Variants in PDZRN3 observed in about 807,000 individuals in gnomAD.
The protein encoded by PDZRN3 is E3 ubiquitin-protein ligase PDZRN3.
Under a neutral mutation model 85.7 loss-of-function variants are expected in PDZRN3, and 38 were observed. The ratio of observed to expected loss-of-function variants is 0.44; its 90% CI spans 0.34 to 0.58. PDZRN3 has a LOEUF of 0.58. Ranked by LOEUF, PDZRN3 falls within the 20% of genes least tolerant of loss-of-function variation. The pLI is 0.01. For synonymous variants in PDZRN3, 759 were observed against 638.0 expected (o/e 1.19, Z -2.86); for missense variants, 1,629 against 1,506.4 (o/e 1.08, Z -1.35).
intron 3 of PDZRN3, among the ~76,000 whole-genome samples, chr3:73,411,171 G>A (rs1397242263): frequency 1.3e-5 from 2 of 152,108 alleles, no homozygotes; most frequent in Admixed American, 6.5e-5. Flanking sequence ...CTGCTTTGTC[G>A]AGAATGAAAA....
At position 73,624,444 on chromosome 3, in the gene PDZRN3, C is replaced by T. The variant is rs1702933482; in HGVS notation, c.382G>A (p.Ala128Thr). The change falls in exon 1 of 10, where the codon GCG (alanine) becomes ACG (threonine). Residue 128 changes from alanine (A) to threonine (T), a missense_variant. Ala to Thr is a moderately conservative substitution (Grantham distance 58). Transcript: ENST00000263666. Reference protein sequence around the residue: ...GQVLLRRDVEAHMRDACDARP... With the variant: ...GQVLLRRDVETHMRDACDARP... Reference sequence around the variant, plus strand: ...GCGTCGCAGGCGTCGCGCATGTGCGCCTCCACGTCGCGCCGCAGCAGCACC... The same window carrying T: ...GCGTCGCAGGCGTCGCGCATGTGCGTCTCCACGTCGCGCCGCAGCAGCACC... 2.2e-6 allele frequency: 3 copies of T among 1,344,420 alleles called. No homozygotes were observed. The highest frequency in any genetic ancestry group is 8.2e-5 in the Admixed American group (2 of 24,492). 83.3% of individuals were successfully genotyped at this position (1,344,420 alleles called of 1,614,324 possible). A position where few individuals can be genotyped will look rare whatever the true frequency, so the allele number is the denominator to read the frequency against.
chr3:73,405,709 G>A (rs1701840738), intron 3 of PDZRN3, among the ~76,000 whole-genome samples: 1 of 152,144 alleles, frequency 6.6e-6, no homozygotes, highest in African/African-American at 2.4e-5. Context: ...TTTTTAGCAT[G>A]TATTTATAAA....
intron 3 of PDZRN3, among the ~76,000 whole-genome samples, chr3:73,500,592 T>C (rs1703958061): frequency 6.6e-6 from 1 of 152,178 alleles, no homozygotes; most frequent in African/African-American, 2.4e-5. Flanking sequence ...AACATGCTCT[T>C]TTCCTCCCAA....
At chr3:73,467,920 G>T (rs1423583166) in intron 3 of PDZRN3, among the ~76,000 whole-genome samples, 1 of 152,126 alleles carries the variant, frequency 6.6e-6, no homozygotes, top group Non-Finnish European at 1.5e-5. Flanking sequence ...ACAGGAAGTC[G>T]AATGGAGGCT....
intron 1 of PDZRN3, among the ~76,000 whole-genome samples, chr3:73,618,483 C>A (rs1424758897): frequency 6.6e-6 from 1 of 152,024 alleles, no homozygotes. Context: ...ATCTGCTACT[C>A]CCATTAAAAA....
intron 3 of PDZRN3, among the ~76,000 whole-genome samples, chr3:73,413,207 C>T (rs910334617): frequency 2.6e-5 from 4 of 152,132 alleles, no homozygotes; most frequent in Non-Finnish European, 5.9e-5. Context: ...CTTAGAAGAG[C>T]GCCTGGCTCA....
At chr3:73,406,286 C>T (rs1701853260) in intron 3 of PDZRN3, among the ~76,000 whole-genome samples, 1 of 152,118 alleles carries the variant, frequency 6.6e-6, no homozygotes, top group Admixed American at 6.5e-5. Flanking sequence ...GCTTTCTATC[C>T]CAAGTGACCT....
chr3:73,555,669 A>G (rs1701677334), intron 3 of PDZRN3, among the ~76,000 whole-genome samples: 1 of 152,182 alleles, frequency 6.6e-6, no homozygotes, highest in African/African-American at 2.4e-5. Context: ...GACAGAAAAT[A>G]TACCCAGTGA....
chr3:73,559,977 G>A (rs1701782154), intron 3 of PDZRN3, among the ~76,000 whole-genome samples: 1 of 152,176 alleles, frequency 6.6e-6, no homozygotes, highest in Non-Finnish European at 1.5e-5. Flanking sequence ...AAGGGCGGGA[G>A]CAGCTCTGCC....
At chr3:73,588,284 T>G (rs896851806) in intron 3 of PDZRN3, among the ~76,000 whole-genome samples, 2 of 152,238 alleles carry the variant, frequency 1.3e-5, no homozygotes, top group East Asian at 3.8e-4. Flanking sequence ...TATGGCTGCA[T>G]AGTATTCCAT....
intron 3 of PDZRN3, among the ~76,000 whole-genome samples, chr3:73,483,621 T>C (rs1481785910): frequency 6.6e-6 from 1 of 152,226 alleles, no homozygotes; most frequent in Non-Finnish European, 1.5e-5. Flanking sequence ...TAATTGCATA[T>C]GCTACAAAGT....
intron 3 of PDZRN3, among the ~76,000 whole-genome samples, chr3:73,553,375 A>C (rs1168714301): frequency 1.3e-5 from 2 of 152,094 alleles, no homozygotes; most frequent in African/African-American, 4.8e-5. Flanking sequence ...GGAGTTCGAG[A>C]CCAGCCTGAC....
At chr3:73,611,365 T>A (rs1335037104) in intron 1 of PDZRN3, among the ~76,000 whole-genome samples, 2 of 152,218 alleles carry the variant, frequency 1.3e-5, no homozygotes, top group Admixed American at 1.3e-4. Flanking sequence ...TAAGACACTG[T>A]CTGAAATACA....
chr3:73,596,248 A>C (rs943345571), intron 3 of PDZRN3, among the ~76,000 whole-genome samples: 25 of 152,170 alleles, frequency 1.6e-4, no homozygotes, highest in African/African-American at 5.1e-4. Context: ...TAAACAGATT[A>C]AATAGGGGAA....
At chr3:73,444,634 G>A (rs556092172) in intron 3 of PDZRN3, among the ~76,000 whole-genome samples, 2 of 152,286 alleles carry the variant, frequency 1.3e-5, no homozygotes, top group Non-Finnish European at 2.9e-5. Flanking sequence ...GATGTCTCCT[G>A]GGAAACAAGA....
intron 3 of PDZRN3, among the ~76,000 whole-genome samples, chr3:73,526,594 T>C (rs1473485409): frequency 6.6e-6 from 1 of 152,238 alleles, no homozygotes; most frequent in Non-Finnish European, 1.5e-5. Flanking sequence ...TATTCAATTA[T>C]GAACTGAGGA....
intron 3 of PDZRN3, among the ~76,000 whole-genome samples, chr3:73,495,895 A>G (rs1165667353): frequency 2.0e-5 from 3 of 152,312 alleles, no homozygotes; most frequent in African/African-American, 7.2e-5. Context: ...CCTAATTAAG[A>G]TAGAAACCAT....
chr3:73,572,882 T>C (rs572471782), intron 3 of PDZRN3, among the ~76,000 whole-genome samples: 4 of 152,152 alleles, frequency 2.6e-5, no homozygotes, highest in Admixed American at 6.5e-5. Context: ...TTGGAAAAAA[T>C]TGTTGGAATT....
At chr3:73,503,024 G>T (rs13065115) in intron 3 of PDZRN3, among the ~76,000 whole-genome samples, 2,608 of 152,292 alleles carry the variant, frequency 0.017, 38 homozygotes, top group Middle Eastern at 0.044. Context: ...AATACTGTTG[G>T]TCAGAGAATA....
Sources: allele counts gnomAD v4.1 joint callset (sites outside exome capture counted in the v4.1 genomes callset), GRCh38; gene constraint gnomAD v4.1.1; transcripts MANE v1.5; gene names NCBI Gene and HGNC (gene_info 2026-07-23, HGNC 2026-07-21).